DLGAP2: variants seen among roughly 807,000 people sequenced by gnomAD.
The protein encoded by DLGAP2 is DLG associated protein 2, also known as disks large-associated protein 2.
DLGAP2 carries 26 observed loss-of-function variants against 100.3 expected under a neutral mutation model. The observed-to-expected ratio is 0.26, with a 90% CI of 0.19 to 0.36. DLGAP2 has a LOEUF of 0.36. Among genes scored for constraint, DLGAP2 ranks in the 10% least tolerant of loss-of-function variants. DLGAP2 has a pLI of 1.00. For synonymous variants in DLGAP2, 886 were observed against 630.1 expected, an observed-to-expected ratio of 1.41 and a Z score of -6.08; for missense variants, 1,858 against 1,453.2, an observed-to-expected ratio of 1.28 and a Z score of -4.53.
intron 2 of DLGAP2, among the ~76,000 whole-genome samples, chr8:1,107,717 A>T (rs1804823282): frequency 6.6e-6 from 1 of 152,216 alleles, no homozygotes; most frequent in Non-Finnish European, 1.5e-5. Context: ...TAAAGCACAC[A>T]TAGTATTTGC....
chr8:1,171,388 G>A (rs1328844734), intron 2 of DLGAP2, among the ~76,000 whole-genome samples: 1 of 152,174 alleles, frequency 6.6e-6, no homozygotes, highest in Non-Finnish European at 1.5e-5. Flanking sequence ...TTCTGTAGAT[G>A]TCTATTAGGT....
intron 12 of DLGAP2, among the ~76,000 whole-genome samples, chr8:1,679,998 A>C (rs2130857841): frequency 6.6e-6 from 1 of 150,648 alleles, no homozygotes; most frequent in East Asian, 1.9e-4. Flanking sequence ...AAAAAAAAAA[A>C]AAAAAGAGCT....
At chr8:1,079,501 T>G (rs1803729615) in intron 2 of DLGAP2, among the ~76,000 whole-genome samples, 1 of 152,212 alleles carries the variant, frequency 6.6e-6, no homozygotes, top group Admixed American at 6.5e-5. Context: ...GATGGTATCT[T>G]AAGAGCTCAT....
intron 3 of DLGAP2, among the ~76,000 whole-genome samples, chr8:1,266,433 C>T (rs1442840652): frequency 6.6e-6 from 1 of 152,198 alleles, no homozygotes; most frequent in Non-Finnish European, 1.5e-5. Flanking sequence ...TCCTCAGAAG[C>T]TCCAAGAATC....
chr8:1,520,710 A>C (rs1800565675), intron 4 of DLGAP2, among the ~76,000 whole-genome samples: 1 of 152,118 alleles, frequency 6.6e-6, no homozygotes, highest in Non-Finnish European at 1.5e-5. Flanking sequence ...TTGGGAGCTC[A>C]TTTCATTTTA....
intron 1 of DLGAP2, among the ~76,000 whole-genome samples, chr8:805,226 G>A (rs754627654): frequency 6.6e-6 from 1 of 152,168 alleles, no homozygotes; most frequent in East Asian, 1.9e-4. Context: ...TCTGTCAGTG[G>A]TGATTAGGAT....
chr8:1,117,623 G>A (rs1391077049), intron 2 of DLGAP2, among the ~76,000 whole-genome samples: 1 of 152,216 alleles, frequency 6.6e-6, no homozygotes, highest in African/African-American at 2.4e-5. Context: ...TGGACGCTGA[G>A]TAGAGCAAGT....
chr8:1,139,412 G>C (rs1471047460), intron 2 of DLGAP2, among the ~76,000 whole-genome samples: 1 of 152,230 alleles, frequency 6.6e-6, no homozygotes, highest in Admixed American at 6.5e-5. Flanking sequence ...AGGTGCAGCA[G>C]GTGTGGAATC....
intron 13 of DLGAP2, among the ~76,000 whole-genome samples, chr8:1,693,995 G>T (rs987947089): frequency 2.6e-5 from 4 of 152,154 alleles, no homozygotes; most frequent in African/African-American, 9.7e-5. Flanking sequence ...CTGTCTTTAG[G>T]AATGCTCATC....
intron 4 of DLGAP2, among the ~76,000 whole-genome samples, chr8:1,522,446 G>T (rs1030773207): frequency 1.3e-5 from 2 of 152,210 alleles, no homozygotes; most frequent in African/African-American, 4.8e-5. Context: ...CAGAGCACGG[G>T]ATCCACAGTG....
At chr8:1,164,482 G>C (rs527936235) in intron 2 of DLGAP2, among the ~76,000 whole-genome samples, 1 of 151,848 alleles carries the variant, frequency 6.6e-6, no homozygotes, top group East Asian at 1.9e-4. Context: ...CTGACGTCCT[G>C]TTGGGGGAGT....
At chr8:1,524,714 T>C (rs1800730826) in intron 4 of DLGAP2, among the ~76,000 whole-genome samples, 1 of 152,174 alleles carries the variant, frequency 6.6e-6, no homozygotes, top group African/African-American at 2.4e-5. Flanking sequence ...AGGGTACAAG[T>C]GACGTCACAC....
intron 1 of DLGAP2, among the ~76,000 whole-genome samples, chr8:830,887 G>A (rs1235044446): frequency 1.6e-5 from 2 of 125,440 alleles, no homozygotes; most frequent in African/African-American, 3.0e-5. Flanking sequence ...TAAACATTCA[G>A]CTGTGACTTT....
intron 2 of DLGAP2, among the ~76,000 whole-genome samples, chr8:1,047,686 C>T (rs1241165462): frequency 6.6e-6 from 1 of 152,014 alleles, no homozygotes; most frequent in East Asian, 1.9e-4. Context: ...CACTGTGTCC[C>T]ACAGAAGGCC....
At chr8:807,234 C>T (rs1186005245) in intron 1 of DLGAP2, among the ~76,000 whole-genome samples, 2 of 151,788 alleles carry the variant, frequency 1.3e-5, no homozygotes, top group Non-Finnish European at 2.9e-5. Context: ...CATAAGTTCT[C>T]TCTCCTCTTT....
intron 12 of DLGAP2, among the ~76,000 whole-genome samples, chr8:1,679,829 A>G (rs1798901233): frequency 6.6e-6 from 1 of 152,038 alleles, no homozygotes; most frequent in Non-Finnish European, 1.5e-5. Context: ...CAAAAATTCA[A>G]ATGAGCCAGG....
At position 1,267,620 on chromosome 8, in the gene DLGAP2, AGAT is replaced by A. The variant is rs1563052079; in HGVS notation, c.106+8738_106+8740del. Among the ~76,000 whole-genome samples, 10 of 122,628 alleles carry A rather than the reference AGAT, an allele frequency of 8.2e-5. 1 individual carries two copies. The highest frequency in any genetic ancestry group is 3.3e-4 in the African/African-American group (9 of 27,100). The allele number at this position is 122,628 out of a possible 152,430, so 80.4% of individuals were successfully genotyped here. Reference sequence around the variant, plus strand: ...AGATAAGATAAGATAAGATAAGATAAGATAAATATTAAATAGGTCTACAAAAAG... The same window carrying A: ...AGATAAGATAAGATAAGATAAGATAAAAATATTAAATAGGTCTACAAAAAG... On this transcript the variant is annotated intron_variant, in intron 3 of 14. Coordinates refer to ENST00000637795, the MANE Select transcript of DLGAP2 (RefSeq NM_001346810.2).
chr8:1,626,655 T>G, intron 6 of DLGAP2, 85 bp from the exon 7 acceptor site: 7 of 1,516,826 alleles, frequency 4.6e-6, no homozygotes, highest in Non-Finnish European at 6.2e-6. Context: ...GCTCAGCCTC[T>G]GGGTGTGGGT....
intron 2 of DLGAP2, among the ~76,000 whole-genome samples, chr8:1,216,438 T>C (rs1798214751): frequency 6.6e-6 from 1 of 151,900 alleles, no homozygotes. Context: ...AGCCTTGAAC[T>C]CCTGGGCTCA....
Sources: allele counts gnomAD v4.1 joint callset (sites outside exome capture counted in the v4.1 genomes callset), GRCh38; gene constraint gnomAD v4.1.1; transcripts MANE v1.5; gene names NCBI Gene and HGNC (gene_info 2026-07-23, HGNC 2026-07-21).